The following IL1RAPL1 variants were observed in gnomAD, a reference collection of about 807,000 sequenced individuals.
IL1RAPL1 encodes the protein interleukin-1 receptor accessory protein-like 1.
A neutral mutation model predicts 48.4 loss-of-function variants in IL1RAPL1; 3 were observed. The observed-to-expected ratio is 0.06, with a 90% confidence interval of 0.03 to 0.16. IL1RAPL1 has a LOEUF of 0.16. Among genes scored for constraint, IL1RAPL1 ranks in the 10% least tolerant of loss-of-function variants. The probability of loss-of-function intolerance (pLI) is 1.00; values close to 1 mark genes in which losing one functional copy is unlikely to be tolerated. For synonymous variants in IL1RAPL1, 185 were observed against 187.7 expected, an observed-to-expected ratio of 0.99 and a Z score of 0.12; for missense variants, 349 against 530.6, an observed-to-expected ratio of 0.66 and a Z score of 3.36.
chrX:29,555,322 G>A (rs181556640), intron 5 of IL1RAPL1, among the ~76,000 whole-genome samples: 11 of 112,485 alleles, frequency 9.8e-5, no homozygotes, highest in South Asian at 3.6e-4. Flanking sequence ...GAAAAAGGCC[G>A]TGAGGCAACC....
intron 1 of IL1RAPL1, among the ~76,000 whole-genome samples, chrX:28,712,629 G>T (rs1454274917): frequency 9.0e-6 from 1 of 111,099 alleles, no homozygotes; most frequent in Non-Finnish European, 1.9e-5. Context: ...ATAAAATCAT[G>T]TTCTTTGAAT....
intron 2 of IL1RAPL1, among the ~76,000 whole-genome samples, chrX:29,044,661 G>A (rs755313669): frequency 2.7e-5 from 3 of 110,622 alleles, no homozygotes; most frequent in Non-Finnish European, 5.7e-5. Context: ...ATCCTGCCCA[G>A]TACTGTTCTA....
At chrX:28,829,009 T>C (rs1920991036) in intron 2 of IL1RAPL1, among the ~76,000 whole-genome samples, 1 of 112,253 alleles carries the variant, frequency 8.9e-6, no homozygotes, top group Non-Finnish European at 1.9e-5. Context: ...TTTAGGTCTT[T>C]AATTTCTGTT....
chrX:29,341,777 A>C (rs1206445768), intron 3 of IL1RAPL1, among the ~76,000 whole-genome samples: 1 of 111,094 alleles, frequency 9.0e-6, no homozygotes, highest in Non-Finnish European at 1.9e-5. Context: ...ATGAATTAAT[A>C]TACTGATGTA....
At chrX:28,992,148 T>G (rs902755361) in intron 2 of IL1RAPL1, among the ~76,000 whole-genome samples, 1 of 111,904 alleles carries the variant, frequency 8.9e-6, no homozygotes, top group Admixed American at 9.5e-5. Flanking sequence ...TTCAATAATT[T>G]CCCCGTTATT....
At chrX:29,624,373 C>G (rs1204357070) in intron 5 of IL1RAPL1, among the ~76,000 whole-genome samples, 2 of 112,201 alleles carry the variant, frequency 1.8e-5, no homozygotes, top group African/African-American at 6.5e-5. Flanking sequence ...CCTGACTTGA[C>G]TAAATACAAC....
chrX:28,846,391 G>A (rs937077263), intron 2 of IL1RAPL1, among the ~76,000 whole-genome samples: 2 of 111,677 alleles, frequency 1.8e-5, no homozygotes, highest in African/African-American at 3.3e-5. Flanking sequence ...AAATATTCAC[G>A]GGCGGGTTTT....
chrX:28,650,142 C>A (rs1189247569), intron 1 of IL1RAPL1, among the ~76,000 whole-genome samples: 1 of 111,877 alleles, frequency 8.9e-6, no homozygotes, highest in Admixed American at 9.5e-5. Flanking sequence ...TGCTTTCAAA[C>A]AATTATTTCA....
At chrX:29,796,643 CT>C (rs769529437) in intron 6 of IL1RAPL1, among the ~76,000 whole-genome samples, 80 of 112,363 alleles carry the variant, frequency 7.1e-4, no homozygotes, top group African/African-American at 2.4e-3. Context: ...GGCCTCCTTT[CT>C]TTCTACTCTA....
chrX:29,269,897 T>A (rs1432974776), intron 2 of IL1RAPL1, among the ~76,000 whole-genome samples: 3 of 111,056 alleles, frequency 2.7e-5, no homozygotes, highest in Non-Finnish European at 5.7e-5. Flanking sequence ...CACTAAAAGT[T>A]TCCTCATGGC....
At chrX:28,925,852 C>T (rs1344795126) in intron 2 of IL1RAPL1, among the ~76,000 whole-genome samples, 1 of 111,502 alleles carries the variant, frequency 9.0e-6, no homozygotes, top group African/African-American at 3.3e-5. Flanking sequence ...ACCAGGGAGT[C>T]GGAGGTTGCA....
chrX:29,906,359 A>C (rs868047286), intron 6 of IL1RAPL1, among the ~76,000 whole-genome samples: 6 of 99,652 alleles, frequency 6.0e-5, no homozygotes, highest in Admixed American at 1.1e-4. Context: ...ACAACAAAAA[A>C]AAAAACATAA....
chrX:29,076,798 G>GTCTATCTA (rs369681917), intron 2 of IL1RAPL1, among the ~76,000 whole-genome samples: 13,558 of 84,952 alleles, frequency 0.16, 908 homozygotes, highest in African/African-American at 0.25. Context: ...CTGTCTGTCT[G>GTCTATCTA]TCTGTCTATC....
intron 6 of IL1RAPL1, among the ~76,000 whole-genome samples, chrX:29,911,720 C>A (rs1185695640): frequency 8.9e-6 from 1 of 111,864 alleles, no homozygotes; most frequent in African/African-American, 3.2e-5. Flanking sequence ...GATGTTTGTG[C>A]TATTCCCAAT....
At chrX:29,707,715 C>T (rs1343084238) in intron 6 of IL1RAPL1, among the ~76,000 whole-genome samples, 1 of 111,170 alleles carries the variant, frequency 9.0e-6, no homozygotes, top group African/African-American at 3.3e-5. Context: ...TGTTCTCATT[C>T]GTATGTGGGA....
rs750731496 is a variant in IL1RAPL1, at chrX:28,956,348, G to A, written c.82+166923G>A. On this transcript the variant is annotated intron_variant, in intron 2 of 10. Coordinates refer to ENST00000378993, the MANE Select transcript of IL1RAPL1 (RefSeq NM_014271.4). ...CATCCCTGTCTTGTGCCAGTTTTCAGAGGGAATGCTTCCAGTTTTTGCCCA... is the reference window on the plus strand; with the variant it reads ...CATCCCTGTCTTGTGCCAGTTTTCAAAGGGAATGCTTCCAGTTTTTGCCCA... Among the ~76,000 whole-genome samples, 294 of 108,681 alleles carry A rather than the reference G, an allele frequency of 2.7e-3. 4 individuals are homozygous for A. The highest frequency in any genetic ancestry group is 9.1e-3 in the African/African-American group (270 of 29,641). The allele number at this position is 108,681 out of a possible 115,157, so 94.4% of individuals were successfully genotyped here. A position where few individuals can be genotyped will look rare whatever the true frequency, so the allele number is the denominator to read the frequency against.
chrX:28,750,459 A>G (rs1425615453), intron 1 of IL1RAPL1, among the ~76,000 whole-genome samples: 2 of 111,721 alleles, frequency 1.8e-5, no homozygotes, highest in Non-Finnish European at 3.8e-5. Context: ...TTCCATTTAT[A>G]GTATGAGATA....
At chrX:29,070,946 C>T (rs1354568270) in intron 2 of IL1RAPL1, among the ~76,000 whole-genome samples, 2 of 111,062 alleles carry the variant, frequency 1.8e-5, no homozygotes, top group Non-Finnish European at 3.8e-5. Context: ...GAATTCTATA[C>T]AGAATATTAC....
intron 6 of IL1RAPL1, among the ~76,000 whole-genome samples, chrX:29,857,883 T>A (rs992161960): frequency 5.4e-5 from 6 of 111,607 alleles, no homozygotes; most frequent in African/African-American, 2.0e-4. Context: ...TTTCACAAGG[T>A]CTGTTTGTAC....
Sources: allele counts gnomAD v4.1 joint callset (sites outside exome capture counted in the v4.1 genomes callset), GRCh38; gene constraint gnomAD v4.1.1; transcripts MANE v1.5; gene names NCBI Gene and HGNC (gene_info 2026-07-23, HGNC 2026-07-21).